Variants in NAA15 observed in about 807,000 individuals in gnomAD.
NAA15 encodes the protein N-alpha-acetyltransferase 15, NatA auxiliary subunit.
A neutral mutation model predicts 114.0 loss-of-function variants in NAA15; 34 were observed. That is an observed-to-expected ratio of 0.30 (90% CI 0.23 to 0.40). The LOEUF (loss-of-function observed/expected upper bound fraction) is 0.40, where lower values mean the gene tolerates loss of function less well. NAA15 is among the 10% of genes least tolerant of loss of function. The probability of loss-of-function intolerance (pLI) is 1.00; values close to 1 mark genes in which losing one functional copy is unlikely to be tolerated. For synonymous variants in NAA15, 340 were observed against 338.0 expected (o/e 1.01, Z -0.06); for missense variants, 658 against 1,004.5 (o/e 0.66, Z 4.66).
chr4:139,349,605 A>C (rs1469420138), intron 7 of NAA15, 24 bp downstream of exon 7: 1 of 1,575,936 alleles, frequency 6.3e-7, no homozygotes, highest in African/African-American at 1.4e-5. Flanking sequence ...AAACTTACTA[A>C]GTTTTATTGT....
intron 4 of NAA15, among the ~76,000 whole-genome samples, chr4:139,341,509 G>GC (rs1456557374): frequency 7.0e-6 from 1 of 142,040 alleles, no homozygotes; most frequent in Admixed American, 7.5e-5. Flanking sequence ...CAGGAGAATG[G>GC]CCTGAACCCG....
At chr4:139,367,715 A>G (rs988710218) in intron 14 of NAA15, among the ~76,000 whole-genome samples, 4 of 152,212 alleles carry the variant, frequency 2.6e-5, no homozygotes, top group Admixed American at 2.0e-4. Flanking sequence ...CCCTCTTGAC[A>G]TATTTTTTGA....
chr4:139,338,462 T>A (rs1747272089), intron 3 of NAA15, among the ~76,000 whole-genome samples: 1 of 152,236 alleles, frequency 6.6e-6, no homozygotes, highest in Non-Finnish European at 1.5e-5. Flanking sequence ...TTGTGCTTTT[T>A]TTTAGATGGA....
At chr4:139,384,723 C>G (rs187862635) in intron 17 of NAA15, 109 bp from the exon 18 acceptor site, 1 of 676,336 alleles carries the variant, frequency 1.5e-6, no homozygotes, top group Admixed American at 4.4e-5. Flanking sequence ...CCACTGTACT[C>G]CAGCCTGGGT....
intron 17 of NAA15, 57 bp from the exon 18 acceptor site, chr4:139,384,775 T>C: frequency 8.4e-7 from 1 of 1,187,218 alleles, no homozygotes; most frequent in East Asian, 2.9e-5. Flanking sequence ...AAAAATAAAC[T>C]TTTGTAAACT....
At chr4:139,325,649 A>T (rs1470096327) in intron 1 of NAA15, among the ~76,000 whole-genome samples, 1 of 152,152 alleles carries the variant, frequency 6.6e-6, no homozygotes, top group East Asian at 1.9e-4. Flanking sequence ...AAGAATATCA[A>T]TTTTATTTAT....
intron 1 of NAA15, among the ~76,000 whole-genome samples, chr4:139,306,650 C>T (rs189005002): frequency 1.3e-5 from 2 of 148,794 alleles, no homozygotes; most frequent in Admixed American, 1.4e-4. Context: ...AAACTTTTAA[C>T]TTATTTGGAA....
intron 1 of NAA15, among the ~76,000 whole-genome samples, chr4:139,323,446 A>G (rs1746689980): frequency 6.6e-6 from 1 of 152,066 alleles, no homozygotes; most frequent in South Asian, 2.1e-4. Flanking sequence ...TGCCCTCCTC[A>G]GCCTCCCAAA....
chr4:139,366,721 A>G lies in NAA15; in HGVS notation c.1754-3490A>G, dbSNP rs1403962186. ...ACTCCTGGGCTCAGCCAGTCCCCCA[A>G]CCTCAGCCTGCCACGTAGGTAGGAC... On this transcript the variant is annotated intron_variant, in intron 14 of 19. Transcript: ENST00000296543. Among the ~76,000 whole-genome samples the G allele has an allele frequency of 6.6e-5, 10 of 151,758 alleles. No homozygotes were observed. The East Asian group carries it at 9.7e-4, about 15-fold the overall frequency.
At chr4:139,315,359 A>T (rs1040868562) in intron 1 of NAA15, among the ~76,000 whole-genome samples, 1 of 151,818 alleles carries the variant, frequency 6.6e-6, no homozygotes, top group Admixed American at 6.6e-5. Flanking sequence ...ATGTGTACAA[A>T]AATACAAAAA....
intron 6 of NAA15, among the ~76,000 whole-genome samples, chr4:139,346,032 T>C (rs1338588068): frequency 1.3e-5 from 2 of 152,144 alleles, no homozygotes; most frequent in African/African-American, 4.8e-5. Context: ...TGAAATGGGA[T>C]GCAGGCTCAA....
At chr4:139,316,846 C>G (rs559075443) in intron 1 of NAA15, among the ~76,000 whole-genome samples, 6 of 151,396 alleles carry the variant, frequency 4.0e-5, no homozygotes, top group Non-Finnish European at 7.4e-5. Flanking sequence ...CACCTCCCCC[C>G]ACCCCCCGCC....
rs1747864596 is a variant in NAA15 at position 139,354,051 on chromosome 4, T to C, written c.1040T>C (p.Val347Ala). The change falls in exon 10 of 20, where the codon GTA becomes GCA. Residue 347 changes from valine to alanine, a missense_variant. This residue lies in a region of NAA15 where 281 missense variants were observed against 389.1 expected (regional missense o/e 0.72). Coordinates refer to ENST00000296543, the MANE Select transcript of NAA15 (RefSeq NM_057175.5). ...EKVAIIEELVVGYETSLKSCR... is the reference protein window; with the variant it reads ...EKVAIIEELVAGYETSLKSCR... Reference sequence around the variant, plus strand: ...GTGGCAATCATAGAAGAGTTAGTAGTAGGTTATGAAACCTCTCTAAAAAGC... The same window carrying C: ...GTGGCAATCATAGAAGAGTTAGTAGCAGGTTATGAAACCTCTCTAAAAAGC... 1.2e-6 allele frequency: 2 copies of C among 1,613,806 alleles called. No individual in the cohort carries two copies. Among genetic ancestry groups the C allele is most frequent in the East Asian group, 2.2e-5 (1 of 44,816 alleles).
At chr4:139,321,372 C>T (rs1746600111) in intron 1 of NAA15, among the ~76,000 whole-genome samples, 1 of 151,674 alleles carries the variant, frequency 6.6e-6, no homozygotes, top group African/African-American at 2.4e-5. Flanking sequence ...CTGTGTTTCC[C>T]ATACTAGTTT....
At chr4:139,364,133 C>T (rs1400636591) in intron 14 of NAA15, among the ~76,000 whole-genome samples, 1 of 152,214 alleles carries the variant, frequency 6.6e-6, no homozygotes, top group Non-Finnish European at 1.5e-5. Flanking sequence ...GCCTTGGTCT[C>T]CCAAATTGTT....
chr4:139,346,738 C>T (rs1345410048), intron 6 of NAA15, among the ~76,000 whole-genome samples: 1 of 152,140 alleles, frequency 6.6e-6, no homozygotes, highest in East Asian at 1.9e-4. Context: ...TAGACATAGG[C>T]TTTCTCCATA....
At chr4:139,322,887 C>G (rs1275045104) in intron 1 of NAA15, among the ~76,000 whole-genome samples, 1 of 151,818 alleles carries the variant, frequency 6.6e-6, no homozygotes, top group Non-Finnish European at 1.5e-5. Context: ...AGATGGGTTT[C>G]ACCGTGTTGG....
chr4:139,354,827 A>C (rs1263417294), intron 10 of NAA15, among the ~76,000 whole-genome samples: 1 of 152,206 alleles, frequency 6.6e-6, no homozygotes, highest in Non-Finnish European at 1.5e-5. Context: ...ATGTCTAAAG[A>C]GAAGGACTTA....
rs183130778 is a variant in NAA15, at chr4:139,377,867, A to G, written c.2057-889A>G. On this transcript the variant is annotated intron_variant, in intron 16 of 19. Transcript: ENST00000296543. ...CACTTTTAAAAAATTCTTAAATGGA[A>G]CCCCAAAGTATAAAATTCAAAAGCT... Among the ~76,000 whole-genome samples the G allele has an allele frequency of 2.2e-3, 340 of 152,310 alleles. 4 individuals are homozygous for G. Among genetic ancestry groups the G allele is most frequent in the African/African-American group, 7.7e-3 (319 of 41,558 alleles).
Sources: allele counts gnomAD v4.1 joint callset (sites outside exome capture counted in the v4.1 genomes callset), GRCh38; gene constraint gnomAD v4.1.1; regional missense constraint gnomAD v4.1.1; transcripts MANE v1.5; gene names NCBI Gene and HGNC (gene_info 2026-07-23, HGNC 2026-07-21).